Variants in KCNIP4 observed in about 807,000 individuals in gnomAD.
The protein encoded by KCNIP4 is potassium voltage-gated channel interacting protein 4.
A neutral mutation model predicts 34.0 loss-of-function variants in KCNIP4; 12 were observed. The ratio of observed to expected loss-of-function variants is 0.35; its 90% CI spans 0.23 to 0.57. The LOEUF is 0.57. Among genes scored for constraint, KCNIP4 ranks in the 20% least tolerant of loss-of-function variants. KCNIP4 has a pLI of 0.83. For synonymous variants in KCNIP4, 124 were observed against 102.2 expected (o/e 1.21, Z -1.29); for missense variants, 238 against 311.7 (o/e 0.76, Z 1.78).
rs934887430 is a variant in KCNIP4 at position 21,218,017 on chromosome 4, A to T, written c.62-335308T>A. Among the ~76,000 whole-genome samples, 489 of 144,854 alleles carry T rather than the reference A, an allele frequency of 3.4e-3. 3 individuals are homozygous for T. Among genetic ancestry groups the T allele is most frequent in the African/African-American group, 0.012 (465 of 38,570 alleles). On this transcript the variant is annotated intron_variant, in intron 1 of 8. Transcript: ENST00000382152. ...TTTTTTTAAATTTATTTATTTATTT[A>T]TTATTATTATTTTTTTAGACGGAGT...
chr4:20,797,553 CAG>C (rs1310202812), intron 3 of KCNIP4, among the ~76,000 whole-genome samples: 1 of 152,186 alleles, frequency 6.6e-6, no homozygotes, highest in Non-Finnish European at 1.5e-5. Context: ...GATCTTAAGA[CAG>C]AGAATTTATC....
At chr4:20,951,664 A>C (rs1732802682) in intron 1 of KCNIP4, among the ~76,000 whole-genome samples, 1 of 152,184 alleles carries the variant, frequency 6.6e-6, no homozygotes, top group South Asian at 2.1e-4. Flanking sequence ...TGTACAATTG[A>C]GACCTAACTA....
Position 20,927,888 on chromosome 4 carries a change from C to T in KCNIP4, c.62-45179G>A, listed in dbSNP as rs180895758. On this transcript the variant is annotated intron_variant, in intron 1 of 8. Transcript: ENST00000382152. ...CAACAATGCAACAGCATCTATCCCACTATTTTTGTCTAAGCACTGCTATAT... is the reference window on the plus strand; with the variant it reads ...CAACAATGCAACAGCATCTATCCCATTATTTTTGTCTAAGCACTGCTATAT... Among the ~76,000 whole-genome samples the T allele has an allele frequency of 2.0e-5, 3 of 152,242 alleles. No individual in the cohort carries two copies. The East Asian group carries it at 5.8e-4, about 29-fold the overall frequency.
At chr4:21,922,452 A>G (rs1316192335) in intron 1 of KCNIP4, among the ~76,000 whole-genome samples, 1 of 152,186 alleles carries the variant, frequency 6.6e-6, no homozygotes. Context: ...CCCTTCCTAA[A>G]ATTCCCTTAG....
chr4:21,463,713 G>A (rs1462756529), intron 1 of KCNIP4, among the ~76,000 whole-genome samples: 1 of 151,932 alleles, frequency 6.6e-6, no homozygotes, highest in Non-Finnish European at 1.5e-5. Context: ...TAAGGATAAT[G>A]CTAGCTCCTA....
intron 1 of KCNIP4, among the ~76,000 whole-genome samples, chr4:21,444,682 A>G (rs571372612): frequency 6.6e-6 from 1 of 152,220 alleles, no homozygotes; most frequent in South Asian, 2.1e-4. Context: ...CTGAATGGGC[A>G]AAAACTGGAA....
At chr4:21,247,759 T>TATATATATATATATAA in intron 1 of KCNIP4, among the ~76,000 whole-genome samples, 1 of 120,000 alleles carries the variant, frequency 8.3e-6, no homozygotes, top group African/African-American at 3.6e-5. Context: ...TATATATATA[T>TATATATATATATATAA]ACACCCCACA....
intron 1 of KCNIP4, among the ~76,000 whole-genome samples, chr4:21,941,386 T>C (rs1040522204): frequency 6.6e-6 from 1 of 152,126 alleles, no homozygotes; most frequent in Admixed American, 6.5e-5. Context: ...TAATGTCACT[T>C]CTTAAATAAA....
At chr4:21,283,525 T>G (rs1223992678) in intron 1 of KCNIP4, among the ~76,000 whole-genome samples, 2 of 151,994 alleles carry the variant, frequency 1.3e-5, no homozygotes, top group East Asian at 3.9e-4. Context: ...TTGTATGATA[T>G]TCAAATATTT....
intron 1 of KCNIP4, among the ~76,000 whole-genome samples, chr4:21,207,030 T>C (rs1009601831): frequency 6.6e-6 from 1 of 152,214 alleles, no homozygotes; most frequent in African/African-American, 2.4e-5. Context: ...ATTGCAGTGA[T>C]GCCATCTCTA....
intron 1 of KCNIP4, among the ~76,000 whole-genome samples, chr4:21,572,023 C>A (rs1429592353): frequency 6.6e-6 from 1 of 152,020 alleles, no homozygotes; most frequent in Non-Finnish European, 1.5e-5. Context: ...ATAGACCTAG[C>A]AAATAAGATG....
intron 1 of KCNIP4, among the ~76,000 whole-genome samples, chr4:21,302,789 G>A (rs1711895390): frequency 6.6e-6 from 1 of 152,040 alleles, no homozygotes; most frequent in South Asian, 2.1e-4. Flanking sequence ...TTAATTTGAT[G>A]TTTGCTATTT....
intron 1 of KCNIP4, among the ~76,000 whole-genome samples, chr4:21,673,449 G>A (rs1208167554): frequency 6.6e-6 from 1 of 151,984 alleles, no homozygotes; most frequent in Non-Finnish European, 1.5e-5. Flanking sequence ...AAAATACAGT[G>A]CTTAATTATG....
intron 1 of KCNIP4, among the ~76,000 whole-genome samples, chr4:21,673,120 T>C (rs1274463934): frequency 6.6e-6 from 1 of 152,114 alleles, no homozygotes; most frequent in African/African-American, 2.4e-5. Context: ...GAGGAGAGTA[T>C]AGGAAAGGGT....
At chr4:21,431,094 G>A (rs1230518399) in intron 1 of KCNIP4, among the ~76,000 whole-genome samples, 2 of 151,880 alleles carry the variant, frequency 1.3e-5, no homozygotes, top group African/African-American at 2.4e-5. Context: ...TCACAAACTT[G>A]CCATGAGCAT....
intron 1 of KCNIP4, among the ~76,000 whole-genome samples, chr4:21,262,705 A>G (rs563242804): frequency 6.6e-6 from 1 of 152,306 alleles, no homozygotes; most frequent in African/African-American, 2.4e-5. Flanking sequence ...ACAAAATCTC[A>G]TCTCAGGATC....
chr4:21,086,851 G>A (rs73101786), intron 1 of KCNIP4, among the ~76,000 whole-genome samples: 3,646 of 151,626 alleles, frequency 0.024, 140 homozygotes, highest in African/African-American at 0.083. Context: ...TCCTTTAAGT[G>A]GCAGACTCTT....
intron 1 of KCNIP4, among the ~76,000 whole-genome samples, chr4:21,531,282 C>T (rs1736647986): frequency 6.6e-6 from 1 of 151,584 alleles, no homozygotes; most frequent in African/African-American, 2.4e-5. Context: ...GCCTTCCTTC[C>T]TTTCCTTCTT....
intron 1 of KCNIP4, among the ~76,000 whole-genome samples, chr4:21,786,238 T>C (rs1365191478): frequency 6.6e-6 from 1 of 152,220 alleles, no homozygotes; most frequent in Non-Finnish European, 1.5e-5. Context: ...TGAGCCACCA[T>C]GCCCGGCCTC....
Sources: allele counts gnomAD v4.1 joint callset (sites outside exome capture counted in the v4.1 genomes callset), GRCh38; gene constraint gnomAD v4.1.1; transcripts MANE v1.5; gene names NCBI Gene and HGNC (gene_info 2026-07-23, HGNC 2026-07-21).